The following NAV2 variants were observed in gnomAD, a reference collection of about 807,000 sequenced individuals.
The protein encoded by NAV2 is helicase, APC down-regulated 1.
NAV2 carries 54 observed loss-of-function variants against 223.2 expected under a neutral mutation model. That is an observed-to-expected ratio of 0.24 (90% CI 0.19 to 0.30). NAV2 has a LOEUF of 0.30. NAV2 is among the 10% of genes least tolerant of loss of function. The probability of loss-of-function intolerance (pLI) is 1.00; values close to 1 mark genes in which losing one functional copy is unlikely to be tolerated. For missense variants in NAV2, 2,806 were observed against 3,147.5 expected (o/e 0.89, Z 2.60); for synonymous variants, 1,279 against 1,239.3 (o/e 1.03, Z -0.67).
intron 1 of NAV2, among the ~76,000 whole-genome samples, chr11:19,510,632 A>G (rs1391109538): frequency 6.6e-6 from 1 of 152,210 alleles, no homozygotes; most frequent in East Asian, 1.9e-4. Context: ...TTTACCCAGG[A>G]CTGCCCCAGC....
chr11:19,599,604 C>G (rs1484606380), intron 1 of NAV2, among the ~76,000 whole-genome samples: 2 of 152,154 alleles, frequency 1.3e-5, no homozygotes, highest in African/African-American at 4.8e-5. Context: ...CAAACTGTAC[C>G]TTGGTTTATT....
rs2058678657 is a variant in NAV2 at position 19,808,273 on chromosome 11, G to T, written c.268-24211G>T. On this transcript the variant is annotated intron_variant, in intron 1 of 37. Transcript: ENST00000349880. ...TCACTGAGGGGCACCAGCTGGAGAG[G>T]GGTTGCATCACCACTCCATGGGGGA... 2.6e-5 allele frequency among the ~76,000 whole-genome samples: 4 copies of T among 152,280 alleles called. No homozygotes were observed. In the South Asian group the frequency reaches 8.3e-4, roughly 32 times the overall value.
chr11:19,662,809 G>C (rs1326574953), intron 1 of NAV2, among the ~76,000 whole-genome samples: 2 of 152,202 alleles, frequency 1.3e-5, no homozygotes, highest in East Asian at 3.8e-4. Flanking sequence ...TAGCCTTTTG[G>C]CTACTTTTCC....
chr11:19,450,668 G>A (rs1242877599), intron 1 of NAV2, among the ~76,000 whole-genome samples: 1 of 152,196 alleles, frequency 6.6e-6, no homozygotes, highest in Non-Finnish European at 1.5e-5. Flanking sequence ...GATCTCCTGA[G>A]TTTTAAATTA....
At chr11:19,837,493 C>G (rs2060296132) in intron 2 of NAV2, among the ~76,000 whole-genome samples, 1 of 152,182 alleles carries the variant, frequency 6.6e-6, no homozygotes, top group Admixed American at 6.5e-5. Context: ...GTATCCAGAT[C>G]ACATCATGAC....
chr11:20,062,677 C>G (rs1414791540), intron 20 of NAV2, among the ~76,000 whole-genome samples: 1 of 152,188 alleles, frequency 6.6e-6, no homozygotes. Flanking sequence ...AATCCTTTGT[C>G]TGCCTCAGTT....
intron 1 of NAV2, among the ~76,000 whole-genome samples, chr11:19,601,005 A>G (rs1333058074): frequency 3.3e-5 from 5 of 152,098 alleles, no homozygotes; most frequent in Non-Finnish European, 7.4e-5. Flanking sequence ...TTTATATACT[A>G]TTTCTCCTCC....
chr11:19,811,532 C>A (rs75612884), intron 1 of NAV2, among the ~76,000 whole-genome samples: 1 of 152,284 alleles, frequency 6.6e-6, no homozygotes, highest in African/African-American at 2.4e-5. Flanking sequence ...CACACTAATG[C>A]CTTTCTTACT....
chr11:20,090,765 T>C lies in NAV2; in HGVS notation c.5499-100T>C, dbSNP rs957357714. On this transcript the variant is annotated intron_variant, in intron 26 of 37. Transcript: ENST00000349880. The stretch of plus-strand genomic sequence containing the variant: ...CAGGAAGCACCAGGCAGCTGGTTAT[T>C]CACAGTTACTGCTAAACAAACCTGA... 16 of 1,283,102 alleles carry C rather than the reference T, an allele frequency of 1.2e-5. No homozygotes were observed. In the Middle Eastern group the frequency reaches 1.1e-3, roughly 92 times the overall value. 79.5% of individuals were successfully genotyped at this position (1,283,102 alleles called of 1,614,324 possible). A position where few individuals can be genotyped will look rare whatever the true frequency, so the allele number is the denominator to read the frequency against.
chr11:19,716,835 A>T (rs1176352772), intron 1 of NAV2, among the ~76,000 whole-genome samples: 3 of 152,238 alleles, frequency 2.0e-5, no homozygotes, highest in Admixed American at 2.0e-4. Flanking sequence ...ATGTGCCAGG[A>T]ATTGTTCTAA....
At chr11:19,895,104 C>CTTTTTTTTTTTTTTT (rs71050690) in intron 6 of NAV2, among the ~76,000 whole-genome samples, 6 of 99,204 alleles carry the variant, frequency 6.0e-5, no homozygotes, top group East Asian at 3.3e-4. Context: ...CTTTTTCTTT[C>CTTTTTTTTTTTTTTT]TTTTTTTTTT....
At chr11:20,112,192 C>T (rs1270375134) in intron 36 of NAV2, among the ~76,000 whole-genome samples, 2 of 152,210 alleles carry the variant, frequency 1.3e-5, no homozygotes, top group African/African-American at 2.4e-5. Context: ...TTTGCATTCT[C>T]TTCTGCCCTG....
chr11:19,650,247 C>T (rs2047932783), intron 1 of NAV2, among the ~76,000 whole-genome samples: 1 of 152,146 alleles, frequency 6.6e-6, no homozygotes, highest in African/African-American at 2.4e-5. Flanking sequence ...CAGACAGCTG[C>T]AGAGGAGAAT....
intron 1 of NAV2, among the ~76,000 whole-genome samples, chr11:19,533,670 C>T (rs1368738993): frequency 6.6e-6 from 1 of 150,978 alleles, no homozygotes; most frequent in African/African-American, 2.4e-5. Flanking sequence ...CTGTTTCTGT[C>T]TGTCTGTCTC....
intron 6 of NAV2, among the ~76,000 whole-genome samples, chr11:19,896,841 A>T (rs931552156): frequency 2.6e-5 from 4 of 152,252 alleles, no homozygotes; most frequent in Admixed American, 6.5e-5. Flanking sequence ...TCAGGGATCT[A>T]GAACTAGAAA....
At chr11:19,788,544 C>G (rs1164415619) in intron 1 of NAV2, among the ~76,000 whole-genome samples, 1 of 152,212 alleles carries the variant, frequency 6.6e-6, no homozygotes, top group East Asian at 1.9e-4. Context: ...TAACTGGTCT[C>G]CATAGTTTCA....
intron 25 of NAV2, among the ~76,000 whole-genome samples, chr11:20,081,701 G>C (rs1321183099): frequency 6.6e-6 from 1 of 152,178 alleles, no homozygotes; most frequent in African/African-American, 2.4e-5. Flanking sequence ...GTTTATTATA[G>C]ATGAAACCTG....
chr11:19,835,995 G>A (rs996819026), intron 2 of NAV2, among the ~76,000 whole-genome samples: 1 of 152,086 alleles, frequency 6.6e-6, no homozygotes, highest in Non-Finnish European at 1.5e-5. Flanking sequence ...TCTTGGGCCT[G>A]GGTCTTAGTT....
At chr11:19,542,663 A>G (rs1157381524) in intron 1 of NAV2, among the ~76,000 whole-genome samples, 2 of 152,274 alleles carry the variant, frequency 1.3e-5, no homozygotes, top group Non-Finnish European at 1.5e-5. Context: ...ATCGAAGGTC[A>G]TAAGCAGAGC....
Sources: allele counts gnomAD v4.1 joint callset (sites outside exome capture counted in the v4.1 genomes callset), GRCh38; gene constraint gnomAD v4.1.1; transcripts MANE v1.5; gene names NCBI Gene and HGNC (gene_info 2026-07-23, HGNC 2026-07-21).